EPB41L5: variants seen among roughly 807,000 people sequenced by gnomAD.
EPB41L5 encodes the protein band 4.1-like protein 5.
A neutral mutation model predicts 106.6 loss-of-function variants in EPB41L5; 55 were observed. The observed-to-expected ratio is 0.52, with a 90% CI of 0.42 to 0.65. The LOEUF (loss-of-function observed/expected upper bound fraction) is 0.65. Ranked by LOEUF, EPB41L5 falls within the 30% of genes least tolerant of loss-of-function variation. EPB41L5 has a pLI of 0.00. For synonymous variants in EPB41L5, 297 were observed against 306.7 expected (o/e 0.97, Z 0.33); for missense variants, 871 against 882.1 (o/e 0.99, Z 0.16).
At chr2:120,107,575 C>T (rs1267405746) in intron 16 of EPB41L5, among the ~76,000 whole-genome samples, 1 of 152,076 alleles carries the variant, frequency 6.6e-6, no homozygotes, top group Admixed American at 6.6e-5. Context: ...AAACAACTTT[C>T]TCTCCTTCCT....
intron 21 of EPB41L5, among the ~76,000 whole-genome samples, chr2:120,161,451 C>G (rs1414732949): frequency 6.6e-6 from 1 of 151,772 alleles, no homozygotes; most frequent in Non-Finnish European, 1.5e-5. Flanking sequence ...ACACTACTCA[C>G]AAGAGGATCT....
In EPB41L5 at chr2:120,049,740, T is replaced by C. The variant is rs958139976; in HGVS notation, c.285+7630T>C. ...GCTGGTTATTTTGCTCGTTAGTTGATGCAGTTTCTTCCTAGCATCGATGGT... is the reference window on the plus strand; with the variant it reads ...GCTGGTTATTTTGCTCGTTAGTTGACGCAGTTTCTTCCTAGCATCGATGGT... On this transcript the variant is annotated intron_variant, in intron 3 of 24. Coordinates refer to ENST00000263713, the MANE Select transcript of EPB41L5 (RefSeq NM_020909.4). Among the ~76,000 whole-genome samples the C allele has an allele frequency of 2.7e-4, 41 of 152,218 alleles. 1 individual carries two copies. The highest frequency in any genetic ancestry group is 8.0e-4 in the African/African-American group (33 of 41,450).
chr2:120,116,964 A>C (rs747067432), intron 16 of EPB41L5, among the ~76,000 whole-genome samples: 21 of 152,334 alleles, frequency 1.4e-4, no homozygotes, highest in Non-Finnish European at 2.2e-4. Context: ...TAAAGCTTCT[A>C]CTAGAAAATA....
At chr2:120,141,295 A>G (rs1224087639) in intron 18 of EPB41L5, among the ~76,000 whole-genome samples, 3 of 152,128 alleles carry the variant, frequency 2.0e-5, no homozygotes, top group African/African-American at 7.2e-5. Context: ...AATATTGCAA[A>G]TGGCCATCTC....
chr2:120,070,379 C>G (rs1452139911), intron 3 of EPB41L5, among the ~76,000 whole-genome samples: 1 of 152,194 alleles, frequency 6.6e-6, no homozygotes, highest in African/African-American at 2.4e-5. Context: ...CAGACAGATT[C>G]ACAGCCGAAT....
chr2:120,076,470 CTTTT>C (rs35333671), intron 7 of EPB41L5, among the ~76,000 whole-genome samples: 2 of 58,898 alleles, frequency 3.4e-5, no homozygotes, highest in African/African-American at 7.7e-5. Flanking sequence ...AATTTTTGTA[CTTTT>C]TTTTTTTTTT....
intron 18 of EPB41L5, among the ~76,000 whole-genome samples, chr2:120,133,965 G>T (rs1198419056): frequency 6.6e-6 from 1 of 152,068 alleles, no homozygotes; most frequent in African/African-American, 2.4e-5. Flanking sequence ...CTCCATTTCA[G>T]GCCCCACCTC....
chr2:120,157,701 G>A (rs754246173), intron 20 of EPB41L5, among the ~76,000 whole-genome samples: 6 of 151,308 alleles, frequency 4.0e-5, no homozygotes, highest in African/African-American at 1.2e-4. Flanking sequence ...CCTGGGAGGC[G>A]GAGGTTGCAG....
In EPB41L5 at chr2:120,176,033, A is replaced by ACT. The variant is rs1241700356; in HGVS notation, c.*1127_*1128dup. ...TGTTAGTTTAAAAGAGATCTCTAAA[A>ACT]CTTCCCCATCCCTTTGGGCCTGTAC... On this transcript the variant is annotated 3_prime_UTR_variant, in exon 25 of 25. Transcript: ENST00000263713. The ACT allele has an allele frequency of 6.6e-6, 1 of 152,588 alleles. No homozygotes were observed. Among genetic ancestry groups the ACT allele is most frequent in the African/African-American group, 2.4e-5 (1 of 41,422 alleles). 9.5% of individuals were successfully genotyped at this position (152,588 alleles called of 1,614,324 possible). A position where few individuals can be genotyped will look rare whatever the true frequency, so the allele number is the denominator to read the frequency against.
At chr2:120,036,126 A>G (rs940108196) in intron 2 of EPB41L5, among the ~76,000 whole-genome samples, 2 of 152,246 alleles carry the variant, frequency 1.3e-5, no homozygotes, top group African/African-American at 2.4e-5. Context: ...AGAATAAATC[A>G]TAATAGCACT....
chr2:120,155,568 T>C (rs1686864607), intron 20 of EPB41L5, among the ~76,000 whole-genome samples: 1 of 152,216 alleles, frequency 6.6e-6, no homozygotes, highest in Non-Finnish European at 1.5e-5. Context: ...TTTCAAGTAT[T>C]ATTTATTCAA....
At chr2:120,041,756 A>G (rs1002570177) in intron 2 of EPB41L5, among the ~76,000 whole-genome samples, 1 of 152,222 alleles carries the variant, frequency 6.6e-6, no homozygotes, top group Non-Finnish European at 1.5e-5. Context: ...ATCTCAAAAT[A>G]GGTAATTTTT....
At chr2:120,014,249 C>T (rs755028505) in intron 1 of EPB41L5, among the ~76,000 whole-genome samples, 38 of 152,076 alleles carry the variant, frequency 2.5e-4, no homozygotes, top group Admixed American at 2.5e-3. Context: ...CTTTTTTTAA[C>T]CAACTTCTGA....
At chr2:120,031,897 A>G (rs2105173178) in intron 2 of EPB41L5, among the ~76,000 whole-genome samples, 1 of 152,238 alleles carries the variant, frequency 6.6e-6, no homozygotes, top group Admixed American at 6.5e-5. Context: ...GCACCTTGGG[A>G]GGTTGGGGTA....
At chr2:120,043,873 G>A (rs984416214) in intron 3 of EPB41L5, among the ~76,000 whole-genome samples, 2 of 152,276 alleles carry the variant, frequency 1.3e-5, no homozygotes, top group Admixed American at 6.5e-5. Context: ...TAGGCCAGGA[G>A]CAGTGGCTCA....
At position 120,163,980 on chromosome 2, in the gene EPB41L5, C is replaced by CTTTTTTTTTTTTTTTT. The variant is rs70949387; in HGVS notation, c.1888-851_1888-836dup. Among the ~76,000 whole-genome samples, 23 of 68,146 alleles carry CTTTTTTTTTTTTTTTT rather than the reference C, an allele frequency of 3.4e-4. 5 individuals carry two copies. Among genetic ancestry groups the CTTTTTTTTTTTTTTTT allele is most frequent in the East Asian group, 4.8e-4 (1 of 2,074 alleles). 44.7% of individuals were successfully genotyped at this position (68,146 alleles called of 152,430 possible). On this transcript the variant is annotated intron_variant, in intron 21 of 24. Transcript: ENST00000263713. ...ACTTTTTTTTATTTTTTTGTATTTACTTTTTTTTTTTTTTTTTTTTGAGAT... is the reference window on the plus strand; with the variant it reads ...ACTTTTTTTTATTTTTTTGTATTTACTTTTTTTTTTTTTTTTTTTTTTTTTTTTTTTTTTTTGAGAT...
At position 120,019,075 on chromosome 2, in the gene EPB41L5, A is replaced by G. The variant is rs767794932; in HGVS notation, c.-8-2A>G. Reference sequence around the variant, plus strand: ...GCCATCTTTTTCTCTCTGTTTTTATAGTGACAAAAATGCTGAGTTTCTTCC... The same window carrying G: ...GCCATCTTTTTCTCTCTGTTTTTATGGTGACAAAAATGCTGAGTTTCTTCC... On this transcript the variant is annotated splice_acceptor_variant, in intron 1 of 24. Transcript: ENST00000263713. LOFTEE classifies it low-confidence loss of function (5UTR_SPLICE). 6.3e-7 allele frequency: 1 copy of G among 1,591,602 alleles called. No individual in the cohort carries two copies. Among genetic ancestry groups the G allele is most frequent in the East Asian group, 2.3e-5 (1 of 44,326 alleles).
At chr2:120,163,288 T>G (rs1181114547) in intron 21 of EPB41L5, among the ~76,000 whole-genome samples, 1 of 81,964 alleles carries the variant, frequency 1.2e-5, no homozygotes. Context: ...AAGAAAGAAA[T>G]GTATGAATGA....
intron 20 of EPB41L5, among the ~76,000 whole-genome samples, chr2:120,149,025 TA>T (rs901922940): frequency 9.2e-5 from 14 of 152,180 alleles, no homozygotes; most frequent in African/African-American, 3.4e-4. Context: ...TGACAGTGCT[TA>T]TTATTCTCCT....
Sources: allele counts gnomAD v4.1 joint callset (sites outside exome capture counted in the v4.1 genomes callset), GRCh38; gene constraint gnomAD v4.1.1; transcripts MANE v1.5; gene names NCBI Gene and HGNC (gene_info 2026-07-23, HGNC 2026-07-21).